Variants in POU2F1 observed in about 807,000 individuals in gnomAD.
POU2F1 encodes POU class 2 homeobox 1, also known as POU domain, class 2, transcription factor 1.
Under a neutral mutation model 84.9 loss-of-function variants are expected in POU2F1, and 16 were observed. The ratio of observed to expected loss-of-function variants is 0.19; its 90% CI spans 0.13 to 0.29. The LOEUF is 0.29. Ranked by LOEUF, POU2F1 falls within the 10% of genes least tolerant of loss-of-function variation. POU2F1 has a pLI of 1.00. For synonymous variants in POU2F1, 368 were observed against 368.3 expected (o/e 1.00, Z 0.01); for missense variants, 738 against 942.6 (o/e 0.78, Z 2.84).
chr1:167,255,997 C>T (rs928193978), intron 1 of POU2F1, among the ~76,000 whole-genome samples: 3 of 152,062 alleles, frequency 2.0e-5, no homozygotes, highest in Non-Finnish European at 4.4e-5. Flanking sequence ...TCCGTGCTTA[C>T]GGGGTGGTGT....
intron 2 of POU2F1, among the ~76,000 whole-genome samples, chr1:167,359,692 T>C (rs185961799): frequency 1.3e-5 from 2 of 152,348 alleles, no homozygotes; most frequent in Non-Finnish European, 1.5e-5. Flanking sequence ...TTTGGGTATA[T>C]ATCCAGTAAT....
intron 1 of POU2F1, among the ~76,000 whole-genome samples, chr1:167,274,580 G>A (rs1410567197): frequency 7.2e-5 from 11 of 152,022 alleles, no homozygotes; most frequent in Admixed American, 7.2e-4. Context: ...ATTTTGCTAT[G>A]TATTGGGTCT....
At chr1:167,262,024 C>A (rs1035636987) in intron 1 of POU2F1, among the ~76,000 whole-genome samples, 2 of 152,288 alleles carry the variant, frequency 1.3e-5, no homozygotes, top group African/African-American at 4.8e-5. Flanking sequence ...TTTCTGATTG[C>A]TTTGAAAATA....
intron 1 of POU2F1, among the ~76,000 whole-genome samples, chr1:167,221,194 C>T (rs1451623811): frequency 6.6e-6 from 1 of 151,572 alleles, no homozygotes; most frequent in Non-Finnish European, 1.5e-5. Context: ...ATCCACTGCC[C>T]TCCTCCTGCA....
chr1:167,267,987 A>C (rs1652102188), intron 1 of POU2F1, among the ~76,000 whole-genome samples: 1 of 152,098 alleles, frequency 6.6e-6, no homozygotes, highest in African/African-American at 2.4e-5. Flanking sequence ...CCAGTGTGGT[A>C]AACTGCTAAT....
Position 167,425,224 on chromosome 1 carries a change from CTTTGTTTTGT to C in POU2F1, c.*9433_*9442del, listed in dbSNP as rs150575731. 6 of 147,398 alleles carry C rather than the reference CTTTGTTTTGT, an allele frequency of 4.1e-5. No homozygotes were observed. Among genetic ancestry groups the C allele is most frequent in the African/African-American group, 1.6e-4 (6 of 36,996 alleles). The allele number at this position is 147,398 out of a possible 1,614,324, so 9.1% of individuals were successfully genotyped here. On this transcript the variant is annotated 3_prime_UTR_variant, in exon 16 of 16. Transcript: ENST00000367866. ...GCTATAAGCCAGGGGAGGGTGGTTT[CTTTGTTTTGT>C]TTTGTTTTGTTTTGTTTTTCAAATT... is the stretch of plus-strand genomic sequence containing the variant.
chr1:167,292,863 A>G (rs1465295119), intron 1 of POU2F1, among the ~76,000 whole-genome samples: 1 of 152,200 alleles, frequency 6.6e-6, no homozygotes, highest in Non-Finnish European at 1.5e-5. Flanking sequence ...ACACAAGTCA[A>G]TAAATGTGAT....
intron 7 of POU2F1, 159 bp from the exon 8 acceptor site, chr1:167,383,698 T>A (rs1045018225): frequency 8.4e-5 from 50 of 591,820 alleles, no homozygotes; most frequent in African/African-American, 6.9e-4. Flanking sequence ...TAAAACAAGA[T>A]TGAATGTAAG....
intron 1 of POU2F1, among the ~76,000 whole-genome samples, chr1:167,265,723 G>A (rs1651897366): frequency 6.6e-6 from 1 of 151,842 alleles, no homozygotes; most frequent in Admixed American, 6.6e-5. Context: ...GCAATGACTG[G>A]AGACATTTTT....
chr1:167,413,180 TGTG>T lies in POU2F1; in HGVS notation c.1990+67_1990+69del. 3 of 1,351,954 alleles carry T rather than the reference TGTG, an allele frequency of 2.2e-6. No individual in the cohort carries two copies. In the African/African-American group the frequency reaches 4.3e-5, roughly 19 times the overall value. The allele number at this position is 1,351,954 out of a possible 1,614,324, so 83.7% of individuals were successfully genotyped here. A position where few individuals can be genotyped will look rare whatever the true frequency, so the allele number is the denominator to read the frequency against. The stretch of plus-strand genomic sequence containing the variant: ...GTGTGTGAGTGTGTGTGTGTGTGTG[TGTG>T]TGTGTGCTTGAGACAGAGATAGAGG... On this transcript the variant is annotated intron_variant, in intron 15 of 15. Coordinates refer to ENST00000367866, the MANE Select transcript of POU2F1 (RefSeq NM_002697.4).
chr1:167,232,000 C>G (rs1175591669), intron 1 of POU2F1, among the ~76,000 whole-genome samples: 11 of 152,134 alleles, frequency 7.2e-5, no homozygotes, highest in Admixed American at 6.5e-4. Flanking sequence ...GTGCCCTCCT[C>G]CCCCAACACA....
At chr1:167,406,527 T>C (rs1284259932) in intron 13 of POU2F1, among the ~76,000 whole-genome samples, 1 of 151,882 alleles carries the variant, frequency 6.6e-6, no homozygotes, top group Non-Finnish European at 1.5e-5. Context: ...TAGCCTCCAG[T>C]AAGGGGGAGA....
intron 12 of POU2F1, 151 bp from the exon 13 acceptor site, chr1:167,401,300 G>A: frequency 1.9e-6 from 1 of 515,264 alleles, no homozygotes; most frequent in Non-Finnish European, 3.4e-6. Context: ...AGCTATCTGT[G>A]ATATCAGTGA....
intron 2 of POU2F1, among the ~76,000 whole-genome samples, chr1:167,358,677 C>T (rs1218053436): frequency 2.9e-5 from 4 of 136,260 alleles, no homozygotes; most frequent in South Asian, 4.7e-4. Context: ...TGACATGAAA[C>T]GCTTCACAAT....
intron 2 of POU2F1, among the ~76,000 whole-genome samples, chr1:167,354,914 T>G (rs976402064): frequency 6.6e-6 from 1 of 152,218 alleles, no homozygotes; most frequent in African/African-American, 2.4e-5. Flanking sequence ...GTTCTTTGTG[T>G]ATTCTGAATA....
Position 167,383,947 on chromosome 1 carries a change from C to T in POU2F1, c.809C>T (p.Ser270Phe), listed in dbSNP as rs1245444167. 1 of 1,611,630 alleles carries T rather than the reference C, an allele frequency of 6.2e-7. No homozygotes were observed. Among genetic ancestry groups the T allele is most frequent in the Admixed American group, 1.7e-5 (1 of 59,874 alleles). Residue 270 changes from serine to phenylalanine, a missense_variant, in exon 8 of 16, where the codon TCC becomes TTC. Physicochemically the swap from Ser to Phe is radical, Grantham distance 155. Coordinates refer to ENST00000367866, the MANE Select transcript of POU2F1 (RefSeq NM_002697.4). ...TCGCAGCCAAGCATCACCCTCACCTCCCAGGTCAGTTTTCTTCTATGGGGG... is the reference window on the plus strand; with the variant it reads ...TCGCAGCCAAGCATCACCCTCACCTTCCAGGTCAGTTTTCTTCTATGGGGG... ...LQSQPSITLT[S>F]QPATPTRTIA...
chr1:167,241,727 G>A (rs1649917677), intron 1 of POU2F1: 1 of 152,142 alleles, frequency 6.6e-6, no homozygotes, highest in South Asian at 2.1e-4. Flanking sequence ...TACATGAATT[G>A]TCTCGTTTAA....
intron 1 of POU2F1, among the ~76,000 whole-genome samples, chr1:167,221,423 C>T (rs1421030845): frequency 1.3e-5 from 2 of 149,230 alleles, no homozygotes; most frequent in East Asian, 3.9e-4. Context: ...GCGGCCGGGG[C>T]CGGGCGGGCG....
At chr1:167,329,846 T>C (rs556526969) in intron 1 of POU2F1, among the ~76,000 whole-genome samples, 1 of 152,312 alleles carries the variant, frequency 6.6e-6, no homozygotes, top group African/African-American at 2.4e-5. Flanking sequence ...TTAGAAACTA[T>C]TAACTTTTCA....
Sources: gnomAD v4.1 joint callset for allele counts (sites outside exome capture counted in the v4.1 genomes callset) on GRCh38, gnomAD v4.1.1 for gene constraint, MANE v1.5 for transcripts, NCBI Gene and HGNC (gene_info 2026-07-23, HGNC 2026-07-21) for gene names.